The following GPC5 variants were observed in gnomAD, a reference collection of about 807,000 sequenced individuals.
The protein encoded by GPC5 is glypican 5.
GPC5 carries 47 observed loss-of-function variants against 53.9 expected under a neutral mutation model. The observed-to-expected ratio is 0.87, with a 90% CI of 0.69 to 1.11. The LOEUF (loss-of-function observed/expected upper bound fraction) is 1.11, where lower values mean the gene tolerates loss of function less well. Ranked by LOEUF, GPC5 falls within the 50% of genes most tolerant of loss-of-function variation. The pLI is 0.00. For synonymous variants in GPC5, 286 were observed against 263.3 expected (o/e 1.09, Z -0.84); for missense variants, 748 against 713.1 (o/e 1.05, Z -0.56).
intron 1 of GPC5, among the ~76,000 whole-genome samples, chr13:91,437,336 T>C (rs1360181444): frequency 6.6e-6 from 1 of 152,256 alleles, no homozygotes; most frequent in African/African-American, 2.4e-5. Context: ...CAATTGTTCC[T>C]TTCCATGTTT....
chr13:92,428,468 G>A (rs904803180), intron 7 of GPC5, among the ~76,000 whole-genome samples: 2 of 152,020 alleles, frequency 1.3e-5, no homozygotes, highest in Admixed American at 1.3e-4. Flanking sequence ...ATATTTTTCA[G>A]TACTGTTACA....
intron 2 of GPC5, among the ~76,000 whole-genome samples, chr13:91,649,071 A>T (rs1050536472): frequency 6.6e-6 from 1 of 152,148 alleles, no homozygotes; most frequent in Non-Finnish European, 1.5e-5. Context: ...TGGTTTCATA[A>T]GGGGCTTTTC....
At chr13:92,119,422 A>G (rs2041628558) in intron 6 of GPC5, among the ~76,000 whole-genome samples, 1 of 116,298 alleles carries the variant, frequency 8.6e-6, no homozygotes, top group Admixed American at 1.1e-4. Context: ...TTTTGGAGAC[A>G]GAGTCTTGCT....
Position 92,739,802 on chromosome 13 carries a change from C to T in GPC5, c.1562-126480C>T, listed in dbSNP as rs940853364. On this transcript the variant is annotated intron_variant, in intron 7 of 7. Coordinates refer to ENST00000377067, the MANE Select transcript of GPC5 (RefSeq NM_004466.6). ...AGAATAGTCCCTTGATCCAACATTC[C>T]TCTTTAGTTTCTGGTCTACTTTTCT... is the stretch of plus-strand genomic sequence containing the variant. Among the ~76,000 whole-genome samples, 10 of 151,852 alleles carry T rather than the reference C, an allele frequency of 6.6e-5. 1 individual carries two copies. Among genetic ancestry groups the T allele is most frequent in the South Asian group, 6.2e-4 (3 of 4,826 alleles).
At chr13:92,513,391 T>C (rs1448156814) in intron 7 of GPC5, among the ~76,000 whole-genome samples, 1 of 152,118 alleles carries the variant, frequency 6.6e-6, no homozygotes, top group African/African-American at 2.4e-5. Flanking sequence ...CTTGGACTGC[T>C]GTCATGGTTG....
At chr13:92,448,056 G>A (rs1020566742) in intron 7 of GPC5, 1 of 152,054 alleles carries the variant, frequency 6.6e-6, no homozygotes, top group Admixed American at 6.6e-5. Context: ...GGTGGTGATT[G>A]AAGAAAATGC....
intron 7 of GPC5, among the ~76,000 whole-genome samples, chr13:92,681,634 C>T (rs1236735071): frequency 2.0e-5 from 3 of 152,144 alleles, no homozygotes; most frequent in Non-Finnish European, 2.9e-5. Context: ...TTAGGCTGAC[C>T]GTGACCATTT....
intron 3 of GPC5, among the ~76,000 whole-genome samples, chr13:91,707,543 C>G (rs2036133222): frequency 6.6e-6 from 1 of 152,142 alleles, no homozygotes; most frequent in African/African-American, 2.4e-5. Flanking sequence ...ATCACATAAG[C>G]CTGGGACATC....
Position 92,787,776 on chromosome 13 carries a change from C to T in GPC5, c.1562-78506C>T, listed in dbSNP as rs113958692. Among the ~76,000 whole-genome samples, 1,007 of 148,592 alleles carry T rather than the reference C, an allele frequency of 6.8e-3. 9 individuals carry two copies. Among genetic ancestry groups the T allele is most frequent in the African/African-American group, 0.022 (882 of 40,320 alleles). On this transcript the variant is annotated intron_variant, in intron 7 of 7. Transcript: ENST00000377067. Reference sequence around the variant, plus strand: ...CTTATAGTCCCAGCTACTTGGGAGGCTGAGGAGGGAGGATTGCTTGAGCCT... The same window carrying T: ...CTTATAGTCCCAGCTACTTGGGAGGTTGAGGAGGGAGGATTGCTTGAGCCT...
chr13:91,658,929 C>T (rs997003080), intron 2 of GPC5, among the ~76,000 whole-genome samples: 2 of 152,304 alleles, frequency 1.3e-5, no homozygotes, highest in African/African-American at 2.4e-5. Flanking sequence ...TAAAATACTT[C>T]GTGCCCCACT....
At chr13:92,823,515 T>C (rs2058786082) in intron 7 of GPC5, among the ~76,000 whole-genome samples, 1 of 152,122 alleles carries the variant, frequency 6.6e-6, no homozygotes, top group African/African-American at 2.4e-5. Context: ...TCATAGAGTG[T>C]ACTACCATGT....
chr13:91,959,025 A>G (rs940329787), intron 6 of GPC5, among the ~76,000 whole-genome samples: 1 of 149,692 alleles, frequency 6.7e-6, no homozygotes, highest in African/African-American at 2.4e-5. Context: ...AGGAATAACA[A>G]AGATCCGAGC....
intron 2 of GPC5, among the ~76,000 whole-genome samples, chr13:91,615,113 A>G (rs1374213073): frequency 6.6e-6 from 1 of 152,220 alleles, no homozygotes; most frequent in African/African-American, 2.4e-5. Context: ...CAACTGCACA[A>G]TGATGGGTTT....
At chr13:91,514,223 A>T (rs529900017) in intron 2 of GPC5, among the ~76,000 whole-genome samples, 6 of 152,246 alleles carry the variant, frequency 3.9e-5, no homozygotes, top group East Asian at 1.9e-4. Context: ...GAAATTACAA[A>T]TTTTTTTCCT....
intron 2 of GPC5, among the ~76,000 whole-genome samples, chr13:91,674,434 C>T (rs1198689128): frequency 1.3e-5 from 2 of 149,112 alleles, no homozygotes; most frequent in African/African-American, 2.5e-5. Flanking sequence ...TATATATACA[C>T]ATATATATAT....
intron 7 of GPC5, among the ~76,000 whole-genome samples, chr13:92,601,847 T>C (rs1884070439): frequency 6.6e-6 from 1 of 151,720 alleles, no homozygotes; most frequent in Admixed American, 6.6e-5. Context: ...ACACGTGGAC[T>C]TACTGAAAAT....
chr13:91,844,618 C>A (rs1566299423), intron 5 of GPC5, among the ~76,000 whole-genome samples: 1 of 152,192 alleles, frequency 6.6e-6, no homozygotes, highest in Admixed American at 6.5e-5. Flanking sequence ...GGGTAACCAT[C>A]CACTGAAGGG....
At chr13:91,594,627 GT>G (rs66508473) in intron 2 of GPC5, among the ~76,000 whole-genome samples, 128,115 of 151,630 alleles carry the variant, frequency 0.84, 56,270 homozygotes, top group Non-Finnish European at 0.96. Flanking sequence ...TTTTCTTTTT[GT>G]TTTTTTTTCC....
intron 7 of GPC5, among the ~76,000 whole-genome samples, chr13:92,846,424 T>C (rs1032545068): frequency 6.6e-6 from 1 of 152,138 alleles, no homozygotes; most frequent in Non-Finnish European, 1.5e-5. Context: ...AGTATAGATT[T>C]TGTTTGGGGG....
Sources: gnomAD v4.1 joint callset for allele counts (sites outside exome capture counted in the v4.1 genomes callset) on GRCh38, gnomAD v4.1.1 for gene constraint, MANE v1.5 for transcripts, NCBI Gene and HGNC (gene_info 2026-07-23, HGNC 2026-07-21) for gene names.